Variants in MEP1A observed in about 807,000 individuals in gnomAD.
The protein encoded by MEP1A is meprin A subunit alpha.
A neutral mutation model predicts 84.5 loss-of-function variants in MEP1A; 68 were observed. That is an observed-to-expected ratio of 0.80 (90% confidence interval 0.66 to 0.98). The LOEUF (loss-of-function observed/expected upper bound fraction) is 0.98. Ranked by LOEUF, MEP1A falls within the 50% of genes least tolerant of loss-of-function variation. The pLI is 0.00. For synonymous variants in MEP1A, 337 were observed against 336.8 expected (o/e 1.00, Z -0.01); for missense variants, 887 against 919.9 (o/e 0.96, Z 0.46).
In MEP1A at chr6:46,800,010, C is replaced by T. The variant is rs537232232; in HGVS notation, c.262+829C>T. ...ATTATGTTTCAGTATTTTCCATCCT[C>T]TTTATCAGTGCTGCCTCGAATCCCT... On this transcript the variant is annotated intron_variant, in intron 5 of 13. Transcript: ENST00000230588. Among the ~76,000 whole-genome samples, 10 of 152,298 alleles carry T rather than the reference C, an allele frequency of 6.6e-5. No individual in the cohort carries two copies. In the South Asian group the frequency reaches 2.1e-3, roughly 32 times the overall value.
Position 46,835,426 on chromosome 6 carries a change from C to T in MEP1A, c.1961C>T (p.Ser654Leu), listed in dbSNP as rs151205192. The change falls in exon 13 of 14, where the codon TCG (serine) becomes TTG (leucine). Residue 654 changes from serine to leucine, a missense_variant. By Grantham distance (145) the Ser-to-Leu change is moderately radical. Coordinates refer to ENST00000230588, the MANE Select transcript of MEP1A (RefSeq NM_005588.3). ...SQGQPSRQKR[S>L]VENTGPLEDH... ...GGGCAGCCCAGCCGACAGAAGCGGT[C>T]GGTGGAGAACACAGGCCCCCTGGAG... 1.0e-3 allele frequency: 1,634 copies of T among 1,611,886 alleles called. 25 individuals are homozygous for T. The South Asian group carries it at 0.017, about 16-fold the overall frequency.
chr6:46,834,608 C>T lies in MEP1A; in HGVS notation c.1640C>T (p.Pro547Leu), dbSNP rs774552871. 29 of 1,609,814 alleles carry T rather than the reference C, an allele frequency of 1.8e-5. No homozygotes were observed. In the Admixed American group the frequency reaches 2.0e-4, roughly 11 times the overall value. Residue 547 changes from proline (P) to leucine (L), a missense_variant, in exon 12 of 14, where the codon CCG (proline) becomes CTG (leucine). Coordinates refer to ENST00000230588, the MANE Select transcript of MEP1A (RefSeq NM_005588.3). The part of the protein sequence containing the change: ...AINDTVIWDR[P>L]SRVGTYHTDC... ...AATGACACTGTCATCTGGGACAGGC[C>T]GTCCAGGGTGGGAACCTATCATACG...
In MEP1A at chr6:46,833,528, C is replaced by G; in HGVS notation, c.1599C>G (p.His533Gln). Residue 533 changes from histidine to glutamine, a missense_variant, in exon 11 of 14, where the codon CAC (histidine) becomes CAG (glutamine). By Grantham distance (24) the His-to-Gln change is conservative. Coordinates refer to ENST00000230588, the MANE Select transcript of MEP1A (RefSeq NM_005588.3). The part of the protein sequence containing the change: ...SSMVFTTSKS[H>Q]TSPAINDTVI... ...TGGTGTTCACTACCTCGAAGTCGCACACATCTCCAGGTGGGTGGTGTCAGC... is the reference window on the plus strand; with the variant it reads ...TGGTGTTCACTACCTCGAAGTCGCAGACATCTCCAGGTGGGTGGTGTCAGC... 1.2e-6 allele frequency: 2 copies of G among 1,613,524 alleles called. No homozygotes were observed. The highest frequency in any genetic ancestry group is 1.7e-6 in the Non-Finnish European group (2 of 1,179,598).
intron 11 of MEP1A, 101 bp downstream of exon 11, chr6:46,833,639 C>G: frequency 1.2e-6 from 1 of 862,022 alleles, no homozygotes; most frequent in South Asian, 1.6e-5. Flanking sequence ...CTCACATTGT[C>G]TGTTTGGGAA....
intron 7 of MEP1A, among the ~76,000 whole-genome samples, chr6:46,824,857 T>G (rs1338744757): frequency 0.19 from 10,134 of 54,410 alleles, 1,914 homozygotes; most frequent in South Asian, 0.2. Context: ...ATATATAAAT[T>G]ATATATTTAA....
Position 46,833,067 on chromosome 6 carries a change from T to C in MEP1A, c.1145-7T>C. ...CAGTTCTCACCAGCCTTGTTCTCTG[T>C]CCTCAGGAGATGATGACCACAATTG... On this transcript the variant is annotated splice_polypyrimidine_tract_variant and splice_region_variant and intron_variant, in intron 10 of 13. Transcript: ENST00000230588. 6.7e-7 allele frequency: 1 copy of C among 1,491,152 alleles called. No homozygotes were observed. Among genetic ancestry groups the C allele is most frequent in the Non-Finnish European group, 9.0e-7 (1 of 1,110,804 alleles). The allele number at this position is 1,491,152 out of a possible 1,614,324, so 92.4% of individuals were successfully genotyped here.
intron 3 of MEP1A, among the ~76,000 whole-genome samples, chr6:46,796,031 C>T (rs1767043829): frequency 6.6e-6 from 1 of 152,168 alleles, no homozygotes; most frequent in African/African-American, 2.4e-5. Flanking sequence ...GACTACTCTT[C>T]CCCTTCCTAC....
chr6:46,819,957 T>C (rs1767729869), intron 7 of MEP1A, among the ~76,000 whole-genome samples: 1 of 152,218 alleles, frequency 6.6e-6, no homozygotes, highest in South Asian at 2.1e-4. Flanking sequence ...CTTTGCTTTA[T>C]ATCAGTGTTT....
chr6:46,818,219 G>A (rs1327547393), intron 6 of MEP1A, among the ~76,000 whole-genome samples: 1 of 151,992 alleles, frequency 6.6e-6, no homozygotes, highest in African/African-American at 2.4e-5. Context: ...TAAAATTAAA[G>A]AATTTTATAG....
intron 13 of MEP1A, among the ~76,000 whole-genome samples, chr6:46,836,039 T>G (rs1768209991): frequency 6.6e-6 from 1 of 152,242 alleles, no homozygotes; most frequent in Admixed American, 6.5e-5. Flanking sequence ...CCCCTTGTTA[T>G]GCATCATGTA....
Position 46,809,532 on chromosome 6 carries a change from T to G in MEP1A, c.375T>G (p.Phe125Leu). The G allele has an allele frequency of 6.3e-7, 1 of 1,590,296 alleles. No homozygotes were observed. Among genetic ancestry groups the G allele is most frequent in the Admixed American group, 1.7e-5 (1 of 58,566 alleles). The change falls in exon 6 of 14, where the codon TTT becomes TTG. Residue 125 changes from phenylalanine (F) to leucine (L), a missense_variant. By Grantham distance (22) the Phe-to-Leu change is conservative. Coordinates refer to ENST00000230588, the MANE Select transcript of MEP1A (RefSeq NM_005588.3). ...GESSYIIFQQ[F>L]DGCWSEVGDQ... ...GCTCATATATCATATTTCAACAGTT[T>G]GATGGGTTGGTATGAAATTTTACGG... is the stretch of plus-strand genomic sequence containing the variant.
downstream of MEP1A, among the ~76,000 whole-genome samples, chr6:46,842,624 A>G (rs10807345): frequency 0.34 from 52,253 of 151,980 alleles, 9,436 homozygotes; most frequent in Middle Eastern, 0.43. Context: ...ATACGTGCAC[A>G]GTGGGACATA....
chr6:46,794,744 C>A (rs952843923), intron 3 of MEP1A, among the ~76,000 whole-genome samples: 1 of 152,188 alleles, frequency 6.6e-6, no homozygotes, highest in Non-Finnish European at 1.5e-5. Flanking sequence ...CAGAGCCAGG[C>A]ACTAAAATAT....
chr6:46,837,895 A>T (rs1158410382), intron 13 of MEP1A, among the ~76,000 whole-genome samples: 10 of 143,656 alleles, frequency 7.0e-5, no homozygotes, highest in South Asian at 4.4e-4. Flanking sequence ...CTGACTTCTT[A>T]TTTTTTTTTT....
At chr6:46,808,143 C>G (rs1767408359) in intron 5 of MEP1A, among the ~76,000 whole-genome samples, 1 of 151,514 alleles carries the variant, frequency 6.6e-6, no homozygotes, top group Non-Finnish European at 1.5e-5. Flanking sequence ...AGTATAATCA[C>G]TTTTTTTTTC....
intron 7 of MEP1A, among the ~76,000 whole-genome samples, chr6:46,822,130 C>T (rs1024321628): frequency 6.6e-6 from 1 of 152,158 alleles, no homozygotes; most frequent in African/African-American, 2.4e-5. Context: ...GGTTGACAAA[C>T]TATAGTCCAT....
downstream of MEP1A, among the ~76,000 whole-genome samples, chr6:46,844,245 T>C (rs1219643235): frequency 1.3e-5 from 2 of 152,142 alleles, no homozygotes; most frequent in Non-Finnish European, 2.9e-5. Flanking sequence ...GGATGGGAGA[T>C]AATGGAGTCA....
intron 3 of MEP1A, among the ~76,000 whole-genome samples, chr6:46,797,535 AT>A (rs1246620693): frequency 6.6e-6 from 1 of 152,202 alleles, no homozygotes; most frequent in Non-Finnish European, 1.5e-5. Context: ...GGTCTTCCTC[AT>A]GATGTGGGCA....
At chr6:46,810,318 G>GT (rs748655381) in intron 6 of MEP1A, among the ~76,000 whole-genome samples, 2 of 151,780 alleles carry the variant, frequency 1.3e-5, no homozygotes, top group Non-Finnish European at 2.9e-5. Context: ...GGGATTGTTT[G>GT]TTTTTTTCTT....
Sources: allele counts gnomAD v4.1 joint callset (sites outside exome capture counted in the v4.1 genomes callset), GRCh38; gene constraint gnomAD v4.1.1; transcripts MANE v1.5; gene names NCBI Gene and HGNC (gene_info 2026-07-23, HGNC 2026-07-21).